The following CDYL2 variants were observed in gnomAD, a reference collection of about 807,000 sequenced individuals.
The protein encoded by CDYL2 is chromodomain Y like 2.
Under a neutral mutation model 49.4 loss-of-function variants are expected in CDYL2, and 23 were observed. The ratio of observed to expected loss-of-function variants is 0.47; its 90% CI spans 0.34 to 0.66. The LOEUF is 0.66. Among genes scored for constraint, CDYL2 ranks in the 30% least tolerant of loss-of-function variants. The pLI is 0.01. For synonymous variants in CDYL2, 360 were observed against 268.8 expected (o/e 1.34, Z -3.32); for missense variants, 678 against 656.4 (o/e 1.03, Z -0.36).
intron 1 of CDYL2, among the ~76,000 whole-genome samples, chr16:80,750,086 G>T (rs891426599): frequency 6.6e-6 from 1 of 151,944 alleles, no homozygotes; most frequent in Admixed American, 6.6e-5. Context: ...GGCCTGTTGT[G>T]GGGTGGGGGG....
chr16:80,783,169 C>G (rs1259147225), intron 1 of CDYL2, among the ~76,000 whole-genome samples: 1 of 151,912 alleles, frequency 6.6e-6, no homozygotes, highest in Admixed American at 6.6e-5. Context: ...AATTCAACAA[C>G]AAAAAAACAA....
At chr16:80,757,407 G>C (rs939627911) in intron 1 of CDYL2, among the ~76,000 whole-genome samples, 1 of 151,940 alleles carries the variant, frequency 6.6e-6, no homozygotes, top group South Asian at 2.1e-4. Flanking sequence ...GTGTGTAGCG[G>C]TGAATGCCTG....
intron 2 of CDYL2, among the ~76,000 whole-genome samples, chr16:80,636,886 A>T (rs987090917): frequency 1.3e-5 from 2 of 152,234 alleles, no homozygotes; most frequent in African/African-American, 2.4e-5. Flanking sequence ...AAAAAGGATG[A>T]GTTCATGTCC....
At position 80,715,291 on chromosome 16, in the gene CDYL2, T is replaced by C. The variant is rs150538233; in HGVS notation, c.25-30162A>G. Among the ~76,000 whole-genome samples, 747 of 152,274 alleles carry C rather than the reference T, an allele frequency of 4.9e-3. 6 individuals carry two copies. Among genetic ancestry groups the C allele is most frequent in the African/African-American group, 0.016 (673 of 41,556 alleles). On this transcript the variant is annotated intron_variant, in intron 1 of 6. Coordinates refer to ENST00000570137, the MANE Select transcript of CDYL2 (RefSeq NM_152342.4). ...CACTGGCCTGAGGATACAGGAATCC[T>C]TGTGGGACCCGGAGTCATGATCCCA...
chr16:80,670,358 T>TA (rs1382781908), intron 2 of CDYL2, among the ~76,000 whole-genome samples: 1 of 152,160 alleles, frequency 6.6e-6, no homozygotes, highest in Non-Finnish European at 1.5e-5. Flanking sequence ...GATGGTTTTA[T>TA]AAGGGGCTTT....
chr16:80,607,144 C>T lies in CDYL2; in HGVS notation c.1362+948G>A, dbSNP rs959036353. ...AGAGATCAGAAATGCTCGTGGCCCG[C>T]GTGAGTGTTGACTAACAACCTGGAG... On this transcript the variant is annotated intron_variant, in intron 6 of 6. Transcript: ENST00000570137. Among the ~76,000 whole-genome samples the T allele has an allele frequency of 1.2e-4, 19 of 152,210 alleles. No homozygotes were observed. The East Asian group carries it at 1.9e-3, about 16-fold the overall frequency.
chr16:80,606,782 C>G (rs1477891814), intron 6 of CDYL2, among the ~76,000 whole-genome samples: 2 of 152,278 alleles, frequency 1.3e-5, no homozygotes, highest in East Asian at 3.9e-4. Flanking sequence ...ACACTGTTCT[C>G]CTGGTAGTGA....
At chr16:80,756,034 A>C (rs1906298876) in intron 1 of CDYL2, among the ~76,000 whole-genome samples, 1 of 152,208 alleles carries the variant, frequency 6.6e-6, no homozygotes, top group Admixed American at 6.5e-5. Context: ...AATAATGATA[A>C]TAACACACAT....
chr16:80,793,989 G>C (rs945509943), intron 1 of CDYL2, among the ~76,000 whole-genome samples: 11 of 152,266 alleles, frequency 7.2e-5, no homozygotes, highest in African/African-American at 2.4e-4. Flanking sequence ...ATTATAACTG[G>C]TATCGGGTGT....
At position 80,600,322 on chromosome 16, in the gene CDYL2, C is replaced by T. The variant is rs557680046; in HGVS notation, c.*4066G>A. 3 of 152,234 alleles carry T rather than the reference C, an allele frequency of 2.0e-5. No homozygotes were observed. In the East Asian group the frequency reaches 5.8e-4, roughly 29 times the overall value. 9.4% of individuals were successfully genotyped at this position (152,234 alleles called of 1,614,324 possible). A position where few individuals can be genotyped will look rare whatever the true frequency, so the allele number is the denominator to read the frequency against. ...TTAATGAAAAATATTGCCTAAAACG[C>T]ATATCCTAACTTATCACAGAAATAT... On this transcript the variant is annotated 3_prime_UTR_variant, in exon 7 of 7. Coordinates refer to ENST00000570137, the MANE Select transcript of CDYL2 (RefSeq NM_152342.4).
At chr16:80,767,619 T>C (rs1052262527) in intron 1 of CDYL2, among the ~76,000 whole-genome samples, 9 of 152,308 alleles carry the variant, frequency 5.9e-5, no homozygotes, top group African/African-American at 2.2e-4. Context: ...AAAAGACTTT[T>C]CAGACAGTGA....
At chr16:80,667,331 T>C (rs1290524563) in intron 2 of CDYL2, among the ~76,000 whole-genome samples, 1 of 152,148 alleles carries the variant, frequency 6.6e-6, no homozygotes, top group African/African-American at 2.4e-5. Flanking sequence ...ACTGCTGTAT[T>C]CTTTGTGATG....
rs576338294 is a variant in CDYL2 at position 80,660,235 on chromosome 16, T to C, written c.616+24303A>G. ...TCAGAGGAAGACACGGGTAAAAAAA[T>C]AGATTTTTAAAATTTTAGTAAATGT... On this transcript the variant is annotated intron_variant, in intron 2 of 6. Transcript: ENST00000570137. Among the ~76,000 whole-genome samples, 12 of 152,082 alleles carry C rather than the reference T, an allele frequency of 7.9e-5. No individual in the cohort carries two copies. The East Asian group carries it at 1.5e-3, about 20-fold the overall frequency.
intron 2 of CDYL2, chr16:80,679,607 G>T: frequency 2.3e-6 from 1 of 434,872 alleles, no homozygotes; most frequent in African/African-American, 2.0e-5. Flanking sequence ...CTCATCTCAG[G>T]GAAGTACTTA....
At chr16:80,783,129 T>C (rs940526107) in intron 1 of CDYL2, among the ~76,000 whole-genome samples, 1 of 151,986 alleles carries the variant, frequency 6.6e-6, no homozygotes, top group South Asian at 2.1e-4. Context: ...CAGGAGAAAA[T>C]ATTTTCAAAT....
chr16:80,674,175 C>A (rs1018515553), intron 2 of CDYL2, among the ~76,000 whole-genome samples: 1 of 152,208 alleles, frequency 6.6e-6, no homozygotes, highest in Non-Finnish European at 1.5e-5. Flanking sequence ...CGATTTCCCA[C>A]ATGGGAGCCT....
chr16:80,749,076 G>C (rs1906039461), intron 1 of CDYL2, among the ~76,000 whole-genome samples: 1 of 152,016 alleles, frequency 6.6e-6, no homozygotes, highest in African/African-American at 2.4e-5. Context: ...AATATATATA[G>C]CAAAACAGAG....
intron 1 of CDYL2, among the ~76,000 whole-genome samples, chr16:80,726,863 G>A (rs1272873823): frequency 6.6e-6 from 1 of 151,876 alleles, no homozygotes; most frequent in Non-Finnish European, 1.5e-5. Context: ...GAGGCAGGAG[G>A]ATCACTTGAG....
At chr16:80,685,780 C>G (rs1301268920) in intron 1 of CDYL2, among the ~76,000 whole-genome samples, 1 of 152,146 alleles carries the variant, frequency 6.6e-6, no homozygotes, top group Non-Finnish European at 1.5e-5. Context: ...AACCAAGTTC[C>G]AGAATGGTAA....
Sources: gnomAD v4.1 joint callset for allele counts (sites outside exome capture counted in the v4.1 genomes callset) on GRCh38, gnomAD v4.1.1 for gene constraint, MANE v1.5 for transcripts, NCBI Gene and HGNC (gene_info 2026-07-23, HGNC 2026-07-21) for gene names.